Variants in MVB12B observed in about 807,000 individuals in gnomAD.
MVB12B encodes ESCRT-I complex subunit MVB12B.
MVB12B carries 16 observed loss-of-function variants against 41.6 expected under a neutral mutation model. The ratio of observed to expected loss-of-function variants is 0.38; its 90% CI spans 0.26 to 0.58. The LOEUF is 0.58. Among genes scored for constraint, MVB12B ranks in the 20% least tolerant of loss-of-function variants. The probability of loss-of-function intolerance (pLI) is 0.62; values close to 1 mark genes in which losing one functional copy is unlikely to be tolerated. For synonymous variants in MVB12B, 133 were observed against 139.7 expected, an observed-to-expected ratio of 0.95 and a Z score of 0.34; for missense variants, 274 against 380.2, an observed-to-expected ratio of 0.72 and a Z score of 2.32.
Position 126,436,977 on chromosome 9 carries a change from A to G in MVB12B, c.757+15029A>G, listed in dbSNP as rs1490466509. Among the ~76,000 whole-genome samples the G allele has an allele frequency of 6.6e-6, 1 of 152,212 alleles. No individual in the cohort carries two copies. Among genetic ancestry groups the G allele is most frequent in the Admixed American group, 6.5e-5 (1 of 15,288 alleles). ...AGCAGAGCAGACCTCTGAAAACACA[A>G]TTTATAACATGGCTTCTGCCCTTCC... On this transcript the variant is annotated intron_variant, in intron 7 of 9. Coordinates refer to ENST00000361171, the MANE Select transcript of MVB12B (RefSeq NM_033446.3). This position sits in a 1 kb window ranked among gnomAD's most constrained non-coding sequence, Gnocchi z 4.1.
At chr9:126,451,547 G>C (rs1209440325) in intron 7 of MVB12B, among the ~76,000 whole-genome samples, 1 of 152,118 alleles carries the variant, frequency 6.6e-6, no homozygotes, top group Non-Finnish European at 1.5e-5. Flanking sequence ...CAAGCCCAGG[G>C]GAATGGTCAA....
At chr9:126,357,852 T>A (rs1829923653) in intron 2 of MVB12B, among the ~76,000 whole-genome samples, 1 of 152,182 alleles carries the variant, frequency 6.6e-6, no homozygotes, top group Admixed American at 6.5e-5. Flanking sequence ...ATTTTTTTTC[T>A]TTTATAGTTA....
intron 2 of MVB12B, among the ~76,000 whole-genome samples, chr9:126,370,036 A>G (rs1001718456): frequency 1.3e-5 from 2 of 152,170 alleles, no homozygotes; most frequent in African/African-American, 4.8e-5. Flanking sequence ...CAAGGGGTAT[A>G]GAATTATATT....
chr9:126,408,258 A>G (rs1445133065), intron 6 of MVB12B: 1 of 152,228 alleles, frequency 6.6e-6, no homozygotes, highest in Non-Finnish European at 1.5e-5. Context: ...GTGAATTTGG[A>G]AAGTGTGTCA....
intron 7 of MVB12B, among the ~76,000 whole-genome samples, chr9:126,461,374 A>AT (rs1450328874): frequency 1.6e-4 from 25 of 151,844 alleles, no homozygotes; most frequent in Non-Finnish European, 3.1e-4. Flanking sequence ...ACTATATATA[A>AT]AAAAAAAAAG....
intron 7 of MVB12B, among the ~76,000 whole-genome samples, chr9:126,449,097 T>C (rs1394221051): frequency 1.3e-5 from 2 of 152,074 alleles, no homozygotes; most frequent in African/African-American, 4.8e-5. Context: ...GCCCAGTTCC[T>C]TGCACCTGTC....
At chr9:126,418,353 CTTTTTTGT>C (rs967590864) in intron 6 of MVB12B, among the ~76,000 whole-genome samples, 3 of 152,124 alleles carry the variant, frequency 2.0e-5, no homozygotes, top group African/African-American at 7.2e-5. Flanking sequence ...TGTTCATATA[CTTTTTTGT>C]GGTTGTTATT....
chr9:126,366,568 A>G (rs902332885), intron 2 of MVB12B, among the ~76,000 whole-genome samples: 2 of 152,180 alleles, frequency 1.3e-5, no homozygotes, highest in African/African-American at 2.4e-5. Context: ...TTATTGCATC[A>G]TATTTTCTTA....
chr9:126,429,107 T>G (rs189123582), intron 7 of MVB12B, among the ~76,000 whole-genome samples: 1 of 152,278 alleles, frequency 6.6e-6, no homozygotes, highest in East Asian at 1.9e-4. Context: ...TGAAAAGATA[T>G]GTATAATAAT....
chr9:126,488,186 T>C (rs1833659807), intron 9 of MVB12B, among the ~76,000 whole-genome samples: 1 of 152,130 alleles, frequency 6.6e-6, no homozygotes, highest in Non-Finnish European at 1.5e-5. Flanking sequence ...GGTTTGGCCC[T>C]GGAGTGGGCT....
chr9:126,415,505 A>C (rs915881182), intron 6 of MVB12B, among the ~76,000 whole-genome samples: 11 of 152,212 alleles, frequency 7.2e-5, no homozygotes, highest in Admixed American at 2.6e-4. Context: ...CTTTATAAGT[A>C]GTGCCGTGAT....
rs1829188271 is a variant in MVB12B, at chr9:126,333,521, C to T, written c.81+6511C>T. On this transcript the variant is annotated intron_variant, in intron 1 of 9. Transcript: ENST00000361171. This position sits in a 1 kb window ranked among gnomAD's most constrained non-coding sequence, Gnocchi z 4.7. The stretch of plus-strand genomic sequence containing the variant: ...CTGGGTTTAAGCGATTCTTGTGCCT[C>T]ACCCTCTCGAGTAGCTGGGATTACA... Among the ~76,000 whole-genome samples the T allele has an allele frequency of 6.6e-6, 1 of 152,204 alleles. No homozygotes were observed. The highest frequency in any genetic ancestry group is 1.5e-5 in the Non-Finnish European group (1 of 68,044).
At position 126,448,674 on chromosome 9, in the gene MVB12B, G is replaced by A. The variant is rs1302291821; in HGVS notation, c.757+26726G>A. Reference sequence around the variant, plus strand: ...AGCCGATGTATCACATGGCAAGAGCGGGAGCAAGAGAAAGAGAAGGGGGAG... The same window carrying A: ...AGCCGATGTATCACATGGCAAGAGCAGGAGCAAGAGAAAGAGAAGGGGGAG... On this transcript the variant is annotated intron_variant, in intron 7 of 9. Transcript: ENST00000361171. Among the ~76,000 whole-genome samples, 3 of 152,066 alleles carry A rather than the reference G, an allele frequency of 2.0e-5. No homozygotes were observed. The South Asian group carries it at 6.2e-4, about 32-fold the overall frequency.
intron 6 of MVB12B, among the ~76,000 whole-genome samples, chr9:126,398,608 A>T (rs1302591754): frequency 1.3e-5 from 2 of 152,240 alleles, no homozygotes; most frequent in Non-Finnish European, 2.9e-5. Context: ...AACCACGTCC[A>T]GTGCGGTCTT....
At chr9:126,418,648 C>T (rs1352179787) in intron 6 of MVB12B, among the ~76,000 whole-genome samples, 1 of 152,192 alleles carries the variant, frequency 6.6e-6, no homozygotes, top group East Asian at 1.9e-4. Context: ...CCATGCTGGG[C>T]TCCACGTGGC....
chr9:126,458,211 G>C (rs1179731373), intron 7 of MVB12B, among the ~76,000 whole-genome samples: 1 of 152,168 alleles, frequency 6.6e-6, no homozygotes, highest in Non-Finnish European at 1.5e-5. Flanking sequence ...CGCCCACCAG[G>C]TCACACTGAG....
At chr9:126,406,289 C>T (rs951613858) in intron 6 of MVB12B, among the ~76,000 whole-genome samples, 2 of 152,204 alleles carry the variant, frequency 1.3e-5, no homozygotes, top group Non-Finnish European at 2.9e-5. Flanking sequence ...AATCACCGTC[C>T]AGCCTGTAGC....
intron 7 of MVB12B, among the ~76,000 whole-genome samples, chr9:126,466,602 A>ACTTCCGGCC: frequency 6.6e-6 from 1 of 152,256 alleles, no homozygotes; most frequent in East Asian, 1.9e-4. Context: ...ACCAAAGAAG[A>ACTTCCGGCC]CTTCCGGCCC....
chr9:126,396,641 G>C (rs913354582), intron 6 of MVB12B: 2 of 985,338 alleles, frequency 2.0e-6, no homozygotes, highest in African/African-American at 3.5e-5. Flanking sequence ...GTCTCACTTG[G>C]AAGAATGTGC....
Sources: gnomAD v4.1 joint callset for allele counts (sites outside exome capture counted in the v4.1 genomes callset) on GRCh38, gnomAD v4.1.1 for gene constraint, Gnocchi (gnomAD v3.1) non-coding constraint, MANE v1.5 for transcripts, NCBI Gene and HGNC (gene_info 2026-07-23, HGNC 2026-07-21) for gene names.